Variants in PID1 observed in about 807,000 individuals in gnomAD.
PID1 encodes the protein phosphotyrosine interaction domain containing 1, also known as PTB-containing, cubilin and LRP1-interacting protein.
In PID1, 10 loss-of-function variants were observed where a neutral mutation model predicts 19.1. The observed-to-expected ratio is 0.52, with a 90% confidence interval of 0.32 to 0.89. PID1 has a LOEUF of 0.89. PID1 is among the 40% of genes least tolerant of loss of function. PID1 has a pLI of 0.03. For missense variants in PID1, 248 were observed against 285.3 expected, an observed-to-expected ratio of 0.87 and a Z score of 0.94; for synonymous variants, 130 against 116.0, an observed-to-expected ratio of 1.12 and a Z score of -0.78.
chr2:229,239,952 G>A (rs1689829508), intron 1 of PID1, among the ~76,000 whole-genome samples: 1 of 152,016 alleles, frequency 6.6e-6, no homozygotes. Flanking sequence ...AATATGCATT[G>A]AAAACTCTAG....
At chr2:229,036,019 C>A (rs551764448) in intron 2 of PID1, among the ~76,000 whole-genome samples, 20 of 152,304 alleles carry the variant, frequency 1.3e-4, no homozygotes, top group African/African-American at 4.6e-4. Context: ...TGGTGTTTAA[C>A]AAAGCAAACC....
chr2:229,070,553 C>T (rs1350297053), intron 2 of PID1, among the ~76,000 whole-genome samples: 1 of 152,078 alleles, frequency 6.6e-6, no homozygotes, highest in Non-Finnish European at 1.5e-5. Context: ...TTTTGTGGCC[C>T]CTCCGAAGGA....
intron 2 of PID1, among the ~76,000 whole-genome samples, chr2:229,028,424 A>G (rs1054296648): frequency 1.3e-5 from 2 of 152,226 alleles, no homozygotes; most frequent in East Asian, 3.8e-4. Context: ...GGCAGCAAAT[A>G]AATTGTGGTG....
chr2:229,263,172 G>C (rs930216628), intron 1 of PID1, among the ~76,000 whole-genome samples: 3 of 152,148 alleles, frequency 2.0e-5, no homozygotes, highest in Admixed American at 2.0e-4. Context: ...ATTCACATAT[G>C]GGCATAAACA....
intron 2 of PID1, among the ~76,000 whole-genome samples, chr2:229,134,594 T>C (rs1460693334): frequency 6.6e-6 from 1 of 152,088 alleles, no homozygotes; most frequent in Non-Finnish European, 1.5e-5. Flanking sequence ...TGAAAAATGT[T>C]GAAGCTAAAA....
chr2:229,245,537 CACTT>C (rs1441979251), intron 1 of PID1, among the ~76,000 whole-genome samples: 1 of 152,130 alleles, frequency 6.6e-6, no homozygotes, highest in African/African-American at 2.4e-5. Context: ...AAATTCTTAA[CACTT>C]ACTATTACTT....
At chr2:229,092,767 C>G (rs191846314) in intron 2 of PID1, among the ~76,000 whole-genome samples, 71 of 152,266 alleles carry the variant, frequency 4.7e-4, no homozygotes, top group African/African-American at 1.5e-3. Flanking sequence ...TGCATCCTCT[C>G]GAAAAATAAA....
chr2:229,056,741 A>C (rs1694110814), intron 2 of PID1, among the ~76,000 whole-genome samples: 1 of 152,152 alleles, frequency 6.6e-6, no homozygotes, highest in Admixed American at 6.5e-5. Flanking sequence ...TGCGAAAATC[A>C]ATTTCCAGGG....
rs977303703 is a variant in PID1, at chr2:229,155,874, T to A, written c.121A>T (p.Ile41Phe). 1 of 1,613,786 alleles carries A rather than the reference T, an allele frequency of 6.2e-7. No individual in the cohort carries two copies. The highest frequency in any genetic ancestry group is 8.5e-7 in the Non-Finnish European group (1 of 1,179,984). Residue 41 changes from isoleucine (I) to phenylalanine (F), a missense_variant, in exon 2 of 3, where the codon ATT (isoleucine) becomes TTT (phenylalanine). Transcript: ENST00000392055. ...PAVIFHEPEAIELCTTTPLMK... is the reference protein window; with the variant it reads ...PAVIFHEPEAFELCTTTPLMK... ...AGCGGTGTGGTCGTGCACAGCTCAA[T>A]GGCCTCCGGCTCATGGAAGATGACC...
chr2:229,049,201 A>G lies in PID1; in HGVS notation c.178-23093T>C, dbSNP rs1444550950. 2.0e-5 allele frequency among the ~76,000 whole-genome samples: 3 copies of G among 152,166 alleles called. No homozygotes were observed. The East Asian group carries it at 5.8e-4, about 29-fold the overall frequency. On this transcript the variant is annotated intron_variant, in intron 2 of 2. Coordinates refer to ENST00000392055, the MANE Select transcript of PID1 (RefSeq NM_001100818.2). ...TTTCAATAATGATGATCATCACTTT[A>G]TCATCTTTGCTAATTTGACAGATGA...
intron 2 of PID1, among the ~76,000 whole-genome samples, chr2:229,060,632 C>T (rs1173229021): frequency 2.0e-5 from 3 of 152,000 alleles, no homozygotes; most frequent in Admixed American, 2.0e-4. Flanking sequence ...GGTTCTATAC[C>T]AAGAAGTGGG....
At chr2:229,257,795 A>T (rs1666230878) in intron 1 of PID1, among the ~76,000 whole-genome samples, 1 of 152,206 alleles carries the variant, frequency 6.6e-6, no homozygotes, top group African/African-American at 2.4e-5. Context: ...ACTGAGGGTC[A>T]GTTGCCACTA....
At chr2:229,160,987 C>T (rs1005035544) in intron 1 of PID1, among the ~76,000 whole-genome samples, 2 of 152,180 alleles carry the variant, frequency 1.3e-5, no homozygotes, top group Non-Finnish European at 2.9e-5. Context: ...TCCACTACTG[C>T]ATGCTGCCTT....
chr2:229,028,501 A>T (rs1693474449), intron 2 of PID1, among the ~76,000 whole-genome samples: 1 of 152,228 alleles, frequency 6.6e-6, no homozygotes, highest in Non-Finnish European at 1.5e-5. Flanking sequence ...AGCCCATCCA[A>T]TGGGAGAAAA....
chr2:229,123,846 A>G (rs1695571868), intron 2 of PID1, among the ~76,000 whole-genome samples: 1 of 152,186 alleles, frequency 6.6e-6, no homozygotes, highest in Non-Finnish European at 1.5e-5. Flanking sequence ...TCATTTGCAC[A>G]TTTATTAGTT....
intron 2 of PID1, among the ~76,000 whole-genome samples, chr2:229,041,977 T>C (rs1160718115): frequency 6.6e-6 from 1 of 152,194 alleles, no homozygotes; most frequent in East Asian, 1.9e-4. Context: ...AGTACAATAG[T>C]TTACAATTGT....
intron 2 of PID1, among the ~76,000 whole-genome samples, chr2:229,069,431 C>T (rs1694407898): frequency 6.6e-6 from 1 of 152,068 alleles, no homozygotes; most frequent in Non-Finnish European, 1.5e-5. Context: ...AGGGCCAGAA[C>T]TTACCATCTA....
At chr2:229,150,316 C>T (rs1431611440) in intron 2 of PID1, among the ~76,000 whole-genome samples, 3 of 151,924 alleles carry the variant, frequency 2.0e-5, no homozygotes, top group Admixed American at 6.6e-5. Flanking sequence ...GCCCTGTTCA[C>T]CTCGGACATC....
intron 2 of PID1, among the ~76,000 whole-genome samples, chr2:229,155,289 G>A (rs745623137): frequency 1.6e-4 from 25 of 152,210 alleles, no homozygotes; most frequent in Non-Finnish European, 2.4e-4. Context: ...TCTTTAGGCC[G>A]GGCTTGGTGG....
Sources: allele counts gnomAD v4.1 joint callset (sites outside exome capture counted in the v4.1 genomes callset), GRCh38; gene constraint gnomAD v4.1.1; transcripts MANE v1.5; gene names NCBI Gene and HGNC (gene_info 2026-07-23, HGNC 2026-07-21).